TYR: variants seen among roughly 807,000 people sequenced by gnomAD.
The protein encoded by TYR is tyrosinase.
Under a neutral mutation model 51.5 loss-of-function variants are expected in TYR, and 58 were observed. That is an observed-to-expected ratio of 1.13 (90% confidence interval 0.91 to 1.40). TYR has a LOEUF of 1.40. TYR is among the 40% of genes most tolerant of loss of function. The pLI, the probability that TYR is intolerant of heterozygous loss-of-function variation, is 0.00. For synonymous variants in TYR, 263 were observed against 235.2 expected (o/e 1.12, Z -1.08); for missense variants, 732 against 647.4 (o/e 1.13, Z -1.42).
chr11:89,225,692 G>T (rs1394875353), intron 2 of TYR, among the ~76,000 whole-genome samples: 1 of 151,624 alleles, frequency 6.6e-6, no homozygotes, highest in Admixed American at 6.6e-5. Context: ...AATATTATAT[G>T]TTCATTTTTA....
At chr11:89,258,238 G>A in intron 3 of TYR, among the ~76,000 whole-genome samples, 1 of 151,818 alleles carries the variant, frequency 6.6e-6, no homozygotes, top group East Asian at 1.9e-4. Flanking sequence ...TATAATTTGA[G>A]GAATTATGAC....
At chr11:89,200,234 C>T (rs936314653) in intron 2 of TYR, 1 of 152,058 alleles carries the variant, frequency 6.6e-6, no homozygotes, top group Non-Finnish European at 1.5e-5. Flanking sequence ...TGCCACCATG[C>T]CTCGCTAATT....
intron 3 of TYR, among the ~76,000 whole-genome samples, chr11:89,249,508 A>G (rs1462791995): frequency 6.6e-6 from 1 of 150,612 alleles, no homozygotes; most frequent in Non-Finnish European, 1.5e-5. Context: ...AAAATAAATC[A>G]GGTACTCTTA....
Position 89,263,416 on chromosome 11 carries a change from G to GA in TYR, c.1185-21347dup, listed in dbSNP as rs572569511. ...ACATCATACTCACTTATTAAAAACT[G>GA]AAAAAAAAAACTCAAATAATTTTCC... On this transcript the variant is annotated intron_variant, in intron 3 of 4. Coordinates refer to ENST00000263321, the MANE Select transcript of TYR (RefSeq NM_000372.5). 4.6e-4 allele frequency among the ~76,000 whole-genome samples: 67 copies of GA among 145,700 alleles called. 1 individual carries two copies. The highest frequency in any genetic ancestry group is 1.1e-3 in the South Asian group (5 of 4,626).
At chr11:89,226,494 C>A (rs1230350273) in intron 2 of TYR, among the ~76,000 whole-genome samples, 2 of 152,004 alleles carry the variant, frequency 1.3e-5, no homozygotes, top group Non-Finnish European at 2.9e-5. Context: ...TTAGGCTAAT[C>A]TCCCAGAGGG....
At chr11:89,228,934 C>A (rs1944008537) in intron 3 of TYR, among the ~76,000 whole-genome samples, 1 of 151,726 alleles carries the variant, frequency 6.6e-6, no homozygotes, top group Non-Finnish European at 1.5e-5. Flanking sequence ...ATGGAGTGTT[C>A]TTTGTCCCCT....
At chr11:89,207,670 T>A (rs879786969) in intron 2 of TYR, among the ~76,000 whole-genome samples, 5 of 152,156 alleles carry the variant, frequency 3.3e-5, no homozygotes, top group Admixed American at 3.3e-4. Context: ...ATGAGACAGA[T>A]CAATATCCCT....
At chr11:89,193,121 G>C (rs1207462286) in intron 2 of TYR, among the ~76,000 whole-genome samples, 2 of 152,144 alleles carry the variant, frequency 1.3e-5, no homozygotes, top group Non-Finnish European at 2.9e-5. Flanking sequence ...GGAGGATTGG[G>C]TGACCCACTG....
At position 89,191,212 on chromosome 11, in the gene TYR, G is replaced by A. The variant is rs755795786; in HGVS notation, c.830G>A (p.Ser277Asn). Residue 277 changes from serine to asparagine, a missense_variant, in exon 2 of 5, where the codon AGC (serine) becomes AAC (asparagine). Coordinates refer to ENST00000263321, the MANE Select transcript of TYR (RefSeq NM_000372.5). ...GGGTGTTTTGTACAGATTGTCTGTAGCCGATTGGAGGAGTACAACAGCCAT... is the reference window on the plus strand; with the variant it reads ...GGGTGTTTTGTACAGATTGTCTGTAACCGATTGGAGGAGTACAACAGCCAT... ...SFFSSWQIVC[S>N]RLEEYNSHQS... 2 of 1,613,344 alleles carry A rather than the reference G, an allele frequency of 1.2e-6. No individual in the cohort carries two copies. The highest frequency in any genetic ancestry group is 1.7e-6 in the Non-Finnish European group (2 of 1,179,638).
At chr11:89,264,689 G>A (rs528808261) in intron 3 of TYR, among the ~76,000 whole-genome samples, 1 of 147,206 alleles carries the variant, frequency 6.8e-6, no homozygotes, top group South Asian at 2.1e-4. Context: ...GTGATAGACT[G>A]AATAAAGAAA....
intron 2 of TYR, among the ~76,000 whole-genome samples, chr11:89,226,639 C>G (rs1011419644): frequency 6.6e-6 from 1 of 152,008 alleles, no homozygotes; most frequent in Non-Finnish European, 1.5e-5. Flanking sequence ...GCATGTGATG[C>G]AAAAATTAAG....
At chr11:89,211,665 C>T (rs1371156029) in intron 2 of TYR, among the ~76,000 whole-genome samples, 1 of 152,074 alleles carries the variant, frequency 6.6e-6, no homozygotes, top group Non-Finnish European at 1.5e-5. Context: ...CTCGGCACCA[C>T]ATCACACTGT....
chr11:89,289,154 A>C (rs1405742980), intron 4 of TYR, among the ~76,000 whole-genome samples: 2 of 152,048 alleles, frequency 1.3e-5, no homozygotes, highest in Non-Finnish European at 2.9e-5. Context: ...TGATAAATGT[A>C]ATCTTACTTT....
chr11:89,191,057 A>G lies in TYR; in HGVS notation c.820-145A>G. Reference sequence around the variant, plus strand: ...CACCTAATGATGGATTTCTCAGAACATATCCCTGTCATTAAAGACACATGA... The same window carrying G: ...CACCTAATGATGGATTTCTCAGAACGTATCCCTGTCATTAAAGACACATGA... On this transcript the variant is annotated intron_variant, in intron 1 of 4. Transcript: ENST00000263321. 5.5e-6 allele frequency: 4 copies of G among 731,896 alleles called. No individual in the cohort carries two copies. In the South Asian group the frequency reaches 6.8e-5, roughly 12 times the overall value. The allele number at this position is 731,896 out of a possible 1,614,324, so 45.3% of individuals were successfully genotyped here. A position where few individuals can be genotyped will look rare whatever the true frequency, so the allele number is the denominator to read the frequency against.
chr11:89,287,121 A>C (rs1283855945), intron 4 of TYR, among the ~76,000 whole-genome samples: 1 of 151,774 alleles, frequency 6.6e-6, no homozygotes, highest in Non-Finnish European at 1.5e-5. Context: ...TCTGTGTATG[A>C]ATCTGTCCTG....
chr11:89,286,551 C>T (rs145628605), intron 4 of TYR, among the ~76,000 whole-genome samples: 10,818 of 151,746 alleles, frequency 0.071, 481 homozygotes, highest in East Asian at 0.12. Flanking sequence ...TCCCAGGCCA[C>T]TTACCTAGTA....
chr11:89,294,584 C>G (rs891678750), intron 4 of TYR, among the ~76,000 whole-genome samples: 28 of 152,182 alleles, frequency 1.8e-4, no homozygotes, highest in Non-Finnish European at 3.7e-4. Flanking sequence ...CCCCAACCCC[C>G]GAAGCCTTAG....
At chr11:89,282,367 A>T (rs1944729975) in intron 3 of TYR, among the ~76,000 whole-genome samples, 1 of 151,780 alleles carries the variant, frequency 6.6e-6, no homozygotes, top group Non-Finnish European at 1.5e-5. Context: ...CATTTTAAAA[A>T]TTTAATTTAC....
At chr11:89,184,340 A>T (rs376817098) in intron 1 of TYR, among the ~76,000 whole-genome samples, 19 of 152,276 alleles carry the variant, frequency 1.2e-4, no homozygotes, top group African/African-American at 3.8e-4. Flanking sequence ...TTACTCAAAG[A>T]GGAATAAAAA....
Sources: allele counts gnomAD v4.1 joint callset (sites outside exome capture counted in the v4.1 genomes callset), GRCh38; gene constraint gnomAD v4.1.1; transcripts MANE v1.5; gene names NCBI Gene and HGNC (gene_info 2026-07-23, HGNC 2026-07-21).